CCDC187: variants seen among roughly 807,000 people sequenced by gnomAD.
CCDC187 encodes coiled-coil domain containing 187.
CCDC187 carries 32 observed loss-of-function variants against 38.0 expected under a neutral mutation model. The ratio of observed to expected loss-of-function variants is 0.84; its 90% CI spans 0.64 to 1.13. The LOEUF is 1.13. Among genes scored for constraint, CCDC187 ranks in the 50% most tolerant of loss-of-function variants. The pLI, the probability that CCDC187 is intolerant of heterozygous loss-of-function variation, is 0.00. For synonymous variants in CCDC187, 333 were observed against 347.9 expected (o/e 0.96, Z 0.48); for missense variants, 707 against 786.8 (o/e 0.90, Z 1.21).
chr9:136,306,783 G>A (rs1352680666), upstream of CCDC187: 3 of 152,446 alleles, frequency 2.0e-5, no homozygotes, highest in Non-Finnish European at 4.4e-5. Context: ...GAGGGGCTGG[G>A]ATGAAAACCC....
Position 136,255,068 on chromosome 9 carries a change from G to A in CCDC187, c.4760C>T (p.Thr1587Ile). 2.0e-6 allele frequency: 2 copies of A among 985,562 alleles called. No individual in the cohort carries two copies. Among genetic ancestry groups the A allele is most frequent in the Non-Finnish European group, 2.4e-6 (2 of 830,042 alleles). 61.1% of individuals were successfully genotyped at this position (985,562 alleles called of 1,614,324 possible). A position where few individuals can be genotyped will look rare whatever the true frequency, so the allele number is the denominator to read the frequency against. Residue 1587 changes from threonine (T) to isoleucine (I), a missense_variant, in exon 26 of 26, where the codon ACC becomes ATC. Thr to Ile is a moderately conservative substitution (Grantham distance 89, BLOSUM62 -1). Transcript: ENST00000638797. The stretch of plus-strand genomic sequence containing the variant: ...AGAGCCTGGACCGCAGGAGGAGGTG[G>A]TGGGGAGAAGGGGACTGCCCTGGTG... ...ILHQGSPLLP[T>I]TSSCGPGSES... is the part of the protein sequence containing the mutation.
At chr9:136,281,135 C>T (rs2131246090) in intron 10 of CCDC187, 2 of 310,670 alleles carry the variant, frequency 6.4e-6, no homozygotes, top group Non-Finnish European at 1.2e-5. Context: ...AAGCCCAGGG[C>T]TTCAGCAGCT....
rs981138520 is a variant in CCDC187, at chr9:136,297,174, T to C, written c.832+540A>G. Among the ~76,000 whole-genome samples, 54 of 146,914 alleles carry C rather than the reference T, an allele frequency of 3.7e-4. No homozygotes were observed. In the East Asian group the frequency reaches 9.1e-3, roughly 25 times the overall value. On this transcript the variant is annotated intron_variant, in intron 4 of 25. Transcript: ENST00000638797. ...CGTGAGCTGCAGGTGGCGTGAGCTG[T>C]GGGTGGCGTAGGCTGTGGGTGCCGT...
At chr9:136,269,401 G>A (rs566246216) in intron 14 of CCDC187, among the ~76,000 whole-genome samples, 3 of 152,362 alleles carry the variant, frequency 2.0e-5, no homozygotes, top group East Asian at 3.9e-4. Flanking sequence ...TGTAATCCCA[G>A]CACTTTGGGA....
Position 136,255,706 on chromosome 9 carries a change from G to A in CCDC187, c.4644C>T (p.Pro1548=), listed in dbSNP as rs67817384. ...CCTCCAGCCAGGTGGAGGAGATGCC[G>A]GGGACCTCCTGCTGACAGGCCTCCG... is the stretch of plus-strand genomic sequence containing the variant. ...QRTEACQQEV[P]GISSTWLEAA... is the part of the protein sequence containing the mutation. Residue 1548 remains proline (P), a synonymous_variant, in exon 25 of 26, where the codon CCC becomes CCT. Coordinates refer to ENST00000638797, the MANE Select transcript of CCDC187 (RefSeq NM_001378188.1). 613,680 of 984,984 alleles carry A rather than the reference G, an allele frequency of 0.62. 192,787 individuals are homozygous for A. Among genetic ancestry groups the A allele is most frequent in the East Asian group, 0.83 (7,302 of 8,792 alleles). The allele number at this position is 984,984 out of a possible 1,614,324, so 61.0% of individuals were successfully genotyped here. A position where few individuals can be genotyped will look rare whatever the true frequency, so the allele number is the denominator to read the frequency against.
In CCDC187 at chr9:136,267,370, G is replaced by A. The variant is rs980627919; in HGVS notation, c.3647+14C>T. Reference sequence around the variant, plus strand: ...TACGGCGGGGCGGGGCCGGCGCCAGGCGCATGCGCTCACCCTCGTCGATGC... The same window carrying A: ...TACGGCGGGGCGGGGCCGGCGCCAGACGCATGCGCTCACCCTCGTCGATGC... On this transcript the variant is annotated intron_variant, in intron 16 of 25. Coordinates refer to ENST00000638797, the MANE Select transcript of CCDC187 (RefSeq NM_001378188.1). The A allele has an allele frequency of 3.0e-6, 3 of 985,398 alleles. No individual in the cohort carries two copies. The highest frequency in any genetic ancestry group is 3.6e-6 in the Non-Finnish European group (3 of 830,024). The allele number at this position is 985,398 out of a possible 1,614,324, so 61.0% of individuals were successfully genotyped here. A position where few individuals can be genotyped will look rare whatever the true frequency, so the allele number is the denominator to read the frequency against.
chr9:136,293,661 CTG>C (rs1377265518), intron 4 of CCDC187, among the ~76,000 whole-genome samples: 20 of 149,582 alleles, frequency 1.3e-4, no homozygotes, highest in African/African-American at 4.7e-4. Flanking sequence ...TGCTCACACT[CTG>C]TCACACGCAT....
Position 136,286,409 on chromosome 9 carries a change from G to A in CCDC187, c.2509C>T (p.Arg837Trp), listed in dbSNP as rs913385431. The A allele has an allele frequency of 4.4e-4, 175 of 398,684 alleles. No individual in the cohort carries two copies. Among genetic ancestry groups the A allele is most frequent in the African/African-American group, 3.1e-3 (153 of 48,774 alleles). The allele number at this position is 398,684 out of a possible 1,614,324, so 24.7% of individuals were successfully genotyped here. The change falls in exon 8 of 26, where the codon CGG becomes TGG. Residue 837 changes from arginine to tryptophan, a missense_variant. By Grantham distance (101) the Arg-to-Trp change is moderately radical. Transcript: ENST00000638797. ...AGCTTGGCGGTGAGGCTATCGACCCGCTGCTTGAGGACTTTGGCTGTGGTC... is the reference window on the plus strand; with the variant it reads ...AGCTTGGCGGTGAGGCTATCGACCCACTGCTTGAGGACTTTGGCTGTGGTC... ...LETTAKVLKQ[R>W]VDSLTAKLQG...
At chr9:136,262,853 C>T (rs976675472) in intron 18 of CCDC187, among the ~76,000 whole-genome samples, 13 of 152,122 alleles carry the variant, frequency 8.5e-5, no homozygotes, top group Non-Finnish European at 2.9e-5. Flanking sequence ...AGAGGAGACG[C>T]GCAGGTGGGG....
At chr9:136,293,191 GCTCACACACT>G (rs1831385942) in intron 4 of CCDC187, among the ~76,000 whole-genome samples, 4 of 108,488 alleles carry the variant, frequency 3.7e-5, no homozygotes, top group African/African-American at 1.5e-4. Flanking sequence ...ACACTCACAT[GCTCACACACT>G]CACAAACACA....
At chr9:136,292,979 C>T (rs1831372600) in intron 4 of CCDC187, among the ~76,000 whole-genome samples, 1 of 152,202 alleles carries the variant, frequency 6.6e-6, no homozygotes, top group African/African-American at 2.4e-5. Flanking sequence ...CTTCACAGCC[C>T]AGCTCACGGC....
rs1010832914 is a variant in CCDC187, at chr9:136,257,305, G to A, written c.4367-464C>T. On this transcript the variant is annotated intron_variant, in intron 22 of 25. Coordinates refer to ENST00000638797, the MANE Select transcript of CCDC187 (RefSeq NM_001378188.1). This position sits in a 1 kb window ranked among gnomAD's most constrained non-coding sequence, Gnocchi z 4.5. ...AAAGAATTGCTTGAACCCGGGAGGC[G>A]GAGGTTGCAGTGAGCCAAGATCACG... 3.3e-5 allele frequency among the ~76,000 whole-genome samples: 5 copies of A among 152,112 alleles called. No individual in the cohort carries two copies. Among genetic ancestry groups the A allele is most frequent in the Admixed American group, 6.5e-5 (1 of 15,274 alleles).
rs1282534970 is a variant in CCDC187, at chr9:136,252,443, C to G, written c.*1151G>C. 3 of 202,660 alleles carry G rather than the reference C, an allele frequency of 1.5e-5. No individual in the cohort carries two copies. The highest frequency in any genetic ancestry group is 4.9e-5 in the African/African-American group (2 of 41,010). 12.6% of individuals were successfully genotyped at this position (202,660 alleles called of 1,614,324 possible). A position where few individuals can be genotyped will look rare whatever the true frequency, so the allele number is the denominator to read the frequency against. ...CCACCCTGTCCACCGGGGGAAGGTCCAGGCAACCGTCCCGCACAGCCGGCC... is the reference window on the plus strand; with the variant it reads ...CCACCCTGTCCACCGGGGGAAGGTCGAGGCAACCGTCCCGCACAGCCGGCC... On this transcript the variant is annotated 3_prime_UTR_variant, in exon 26 of 26. Coordinates refer to ENST00000638797, the MANE Select transcript of CCDC187 (RefSeq NM_001378188.1).
chr9:136,292,880 G>A (rs1376834124), intron 4 of CCDC187, among the ~76,000 whole-genome samples: 11 of 152,332 alleles, frequency 7.2e-5, no homozygotes, highest in African/African-American at 2.4e-4. Context: ...CCCGGGCATC[G>A]CTGCAGCAAA....
At chr9:136,284,068 C>T (rs1831112705) in intron 9 of CCDC187, among the ~76,000 whole-genome samples, 2 of 151,930 alleles carry the variant, frequency 1.3e-5, no homozygotes, top group African/African-American at 4.8e-5. Flanking sequence ...GTGGGGTTTC[C>T]TAGGAAGGAT....
intron 7 of CCDC187, among the ~76,000 whole-genome samples, chr9:136,286,994 G>T (rs933339113): frequency 6.6e-6 from 1 of 152,204 alleles, no homozygotes; most frequent in Non-Finnish European, 1.5e-5. Flanking sequence ...GAACAACCAC[G>T]GGTCTGGCAA....
At chr9:136,293,212 TGCTCACACACTCACACTCACAC>T (rs1831387771) in intron 4 of CCDC187, among the ~76,000 whole-genome samples, 1 of 113,228 alleles carries the variant, frequency 8.8e-6, no homozygotes, top group Non-Finnish European at 1.8e-5. Flanking sequence ...CACAAACACA[TGCTCACACACTCACACTCACAC>T]GCTCACACTC....
upstream of CCDC187, among the ~76,000 whole-genome samples, chr9:136,305,230 C>T (rs1831781824): frequency 2.0e-5 from 3 of 152,262 alleles, no homozygotes; most frequent in Admixed American, 1.3e-4. Flanking sequence ...GGGCATGAGC[C>T]CTTTCCTGTG....
At chr9:136,294,072 TC>T (rs1831468429) in intron 4 of CCDC187, among the ~76,000 whole-genome samples, 11 of 75,466 alleles carry the variant, frequency 1.5e-4, no homozygotes, top group Admixed American at 1.3e-3. Flanking sequence ...TCTCACACAC[TC>T]ACACGCTCAT....
Sources: gnomAD v4.1 joint callset for allele counts (sites outside exome capture counted in the v4.1 genomes callset) on GRCh38, gnomAD v4.1.1 for gene constraint, Gnocchi (gnomAD v3.1) non-coding constraint, MANE v1.5 for transcripts, NCBI Gene and HGNC (gene_info 2026-07-23, HGNC 2026-07-21) for gene names.